FAM167A: variants seen among roughly 807,000 people sequenced by gnomAD.
FAM167A encodes the protein family with sequence similarity 167 member A.
FAM167A carries 23 observed loss-of-function variants against 14.9 expected under a neutral mutation model. The observed-to-expected ratio is 1.55, with a 90% CI of 1.11 to 2.19. The LOEUF is 2.19. Ranked by LOEUF, FAM167A falls within the 30% of genes most tolerant of loss-of-function variation. The probability of loss-of-function intolerance (pLI) is 0.00; values close to 1 mark genes in which losing one functional copy is unlikely to be tolerated. For missense variants in FAM167A, 401 were observed against 281.5 expected, an observed-to-expected ratio of 1.42 and a Z score of -3.04; for synonymous variants, 174 against 117.7, an observed-to-expected ratio of 1.48 and a Z score of -3.10.
chr8:11,465,021 T>C lies in FAM167A; in HGVS notation c.-398+1605A>G, dbSNP rs1001229562. 2.6e-5 allele frequency among the ~76,000 whole-genome samples: 4 copies of C among 152,136 alleles called. No homozygotes were observed. In the East Asian group the frequency reaches 5.8e-4, roughly 22 times the overall value. ...AACAGGAGCAAGTGCGCAGGGAGTC[T>C]GGGGGCTCTGGGCAGGCAAGGAGGA... is the stretch of plus-strand genomic sequence containing the variant. On this transcript the variant is annotated intron_variant, in intron 1 of 2. Coordinates refer to ENST00000284486, the MANE Select transcript of FAM167A (RefSeq NM_053279.3).
rs1045695298 is a variant in FAM167A, at chr8:11,423,475, T to G, written c.*898A>C. 1 of 152,570 alleles carries G rather than the reference T, an allele frequency of 6.6e-6. No homozygotes were observed. Among genetic ancestry groups the G allele is most frequent in the Non-Finnish European group, 1.5e-5 (1 of 68,044 alleles). 9.5% of individuals were successfully genotyped at this position (152,570 alleles called of 1,614,324 possible). A position where few individuals can be genotyped will look rare whatever the true frequency, so the allele number is the denominator to read the frequency against. ...GGGCCTCTGGGCTCCCTAGATTGTC[T>G]TTCCAGAGAGGGCAGTAAGGTGACA... On this transcript the variant is annotated 3_prime_UTR_variant, in exon 3 of 3. Coordinates refer to ENST00000284486, the MANE Select transcript of FAM167A (RefSeq NM_053279.3).
chr8:11,431,530 T>C lies in FAM167A; in HGVS notation c.382-6894A>G, dbSNP rs533427334. On this transcript the variant is annotated intron_variant, in intron 2 of 2. Coordinates refer to ENST00000284486, the MANE Select transcript of FAM167A (RefSeq NM_053279.3). Reference sequence around the variant, plus strand: ...ACATATAAAATGGTACATTTTATATTATACATATTTTACTGACATTTAAAC... The same window carrying C: ...ACATATAAAATGGTACATTTTATATCATACATATTTTACTGACATTTAAAC... Among the ~76,000 whole-genome samples the C allele has an allele frequency of 2.9e-3, 442 of 152,332 alleles. 3 individuals carry two copies. The highest frequency in any genetic ancestry group is 6.8e-3 in the Middle Eastern group (2 of 294).
At chr8:11,435,002 G>A (rs1398434101) in intron 2 of FAM167A, 1 of 456,092 alleles carries the variant, frequency 2.2e-6, no homozygotes, top group African/African-American at 2.0e-5. Flanking sequence ...TCAGCTCCCA[G>A]CATCTGGGCC....
intron 1 of FAM167A, among the ~76,000 whole-genome samples, chr8:11,465,931 C>G (rs1036312329): frequency 1.4e-4 from 21 of 152,210 alleles, no homozygotes; most frequent in African/African-American, 4.8e-4. Context: ...AGAATTCCCT[C>G]CAAGCCCCGC....
intron 1 of FAM167A, among the ~76,000 whole-genome samples, chr8:11,466,257 T>C (rs755369517): frequency 8.5e-5 from 13 of 152,190 alleles, no homozygotes; most frequent in African/African-American, 1.2e-4. Flanking sequence ...AGGCTGGGCT[T>C]GGAGGTCACC....
At chr8:11,436,227 G>A (rs1395123519) in intron 2 of FAM167A, among the ~76,000 whole-genome samples, 1 of 152,234 alleles carries the variant, frequency 6.6e-6, no homozygotes, top group Admixed American at 6.5e-5. Flanking sequence ...CTGGAGATGC[G>A]GTGGGGACCC....
upstream of FAM167A, among the ~76,000 whole-genome samples, chr8:11,470,117 C>T (rs1207368738): frequency 6.6e-6 from 1 of 151,982 alleles, no homozygotes; most frequent in African/African-American, 2.4e-5. Context: ...AGACGATGAC[C>T]GACAAATACG....
intron 2 of FAM167A, among the ~76,000 whole-genome samples, chr8:11,440,114 C>A (rs1439252142): frequency 2.0e-5 from 3 of 152,184 alleles, no homozygotes; most frequent in Non-Finnish European, 4.4e-5. Context: ...CCTGAGCAGC[C>A]TAGAACTGCA....
At position 11,438,405 on chromosome 8, in the gene FAM167A, G is replaced by T. The variant is rs931591142; in HGVS notation, c.381+5626C>A. The T allele has an allele frequency of 2.7e-5, 12 of 452,262 alleles. No homozygotes were observed. In the Admixed American group the frequency reaches 2.9e-4, roughly 11 times the overall value. The allele number at this position is 452,262 out of a possible 1,614,324, so 28.0% of individuals were successfully genotyped here. A position where few individuals can be genotyped will look rare whatever the true frequency, so the allele number is the denominator to read the frequency against. On this transcript the variant is annotated intron_variant, in intron 2 of 2. Transcript: ENST00000284486. ...CCTTACTTTTATTTGAATGTTGGGAGATTGAAGGCCTTACTTTTATTTTAT... is the reference window on the plus strand; with the variant it reads ...CCTTACTTTTATTTGAATGTTGGGATATTGAAGGCCTTACTTTTATTTTAT...
chr8:11,469,870 A>T (rs2117170539), upstream of FAM167A, among the ~76,000 whole-genome samples: 1 of 147,416 alleles, frequency 6.8e-6, no homozygotes, highest in East Asian at 2.0e-4. Flanking sequence ...ACAGAGCAAG[A>T]CCCTGTCTCA....
At chr8:11,458,450 G>T (rs1167077974) in intron 1 of FAM167A, among the ~76,000 whole-genome samples, 1 of 152,050 alleles carries the variant, frequency 6.6e-6, no homozygotes, top group Non-Finnish European at 1.5e-5. Context: ...CCCTTCTGTG[G>T]GCATCACTCC....
At chr8:11,424,686 C>G (rs750355812) in intron 2 of FAM167A, 50 bp from the exon 3 acceptor site, 1 of 1,599,552 alleles carries the variant, frequency 6.3e-7, no homozygotes, top group Non-Finnish European at 8.5e-7. Context: ...GCTCGAGTCC[C>G]TGACAGGCAC....
intron 1 of FAM167A, chr8:11,445,442 C>G (rs1806726053): frequency 1.0e-6 from 1 of 985,714 alleles, no homozygotes; most frequent in Non-Finnish European, 1.2e-6. Context: ...GAGACAGAAG[C>G]AAATAAACCT....
At chr8:11,439,275 G>A (rs934122781) in intron 2 of FAM167A, among the ~76,000 whole-genome samples, 5 of 152,244 alleles carry the variant, frequency 3.3e-5, no homozygotes, top group Admixed American at 6.5e-5. Flanking sequence ...TCCCTAGATG[G>A]GGGGTATCAA....
At chr8:11,445,936 G>A (rs67932868) in intron 1 of FAM167A, among the ~76,000 whole-genome samples, 23,142 of 149,732 alleles carry the variant, frequency 0.15, 2,102 homozygotes, top group Non-Finnish European at 0.21. Context: ...GCAGCCTGGA[G>A]AGTAGGCCAC....
chr8:11,463,446 G>GCTGA (rs1807621285), intron 1 of FAM167A, among the ~76,000 whole-genome samples: 1 of 152,220 alleles, frequency 6.6e-6, no homozygotes, highest in Admixed American at 6.5e-5. Context: ...GCATGAGCCT[G>GCTGA]CTGACCTAGG....
rs1193097826 is a variant in FAM167A at position 11,444,703 on chromosome 8, G to A, written c.-292C>T. The A allele has an allele frequency of 2.5e-6, 3 of 1,195,936 alleles. No individual in the cohort carries two copies. Among genetic ancestry groups the A allele is most frequent in the African/African-American group, 3.2e-5 (2 of 63,266 alleles). 74.1% of individuals were successfully genotyped at this position (1,195,936 alleles called of 1,614,324 possible). The stretch of plus-strand genomic sequence containing the variant: ...CAGACAGCGTCGCAGGAATCTCGGG[G>A]CAGCCTGTGCCAAGGTCTATCTGTC... On this transcript the variant is annotated 5_prime_UTR_variant, in exon 2 of 3. Coordinates refer to ENST00000284486, the MANE Select transcript of FAM167A (RefSeq NM_053279.3).
At chr8:11,438,078 T>G (rs747802849) in intron 2 of FAM167A, 1 of 453,714 alleles carries the variant, frequency 2.2e-6, no homozygotes, top group Admixed American at 2.4e-5. Flanking sequence ...CCCATCCACC[T>G]TGGCCTCACC....
intron 1 of FAM167A, among the ~76,000 whole-genome samples, chr8:11,458,963 C>T (rs771121501): frequency 5.9e-5 from 9 of 152,246 alleles, no homozygotes; most frequent in Admixed American, 1.3e-4. Flanking sequence ...AGGGCGAATT[C>T]GCCCCCAGTT....
Sources: gnomAD v4.1 joint callset for allele counts (sites outside exome capture counted in the v4.1 genomes callset) on GRCh38, gnomAD v4.1.1 for gene constraint, MANE v1.5 for transcripts, NCBI Gene and HGNC (gene_info 2026-07-23, HGNC 2026-07-21) for gene names.